The following NDRG2 variants were observed in gnomAD, a reference collection of about 807,000 sequenced individuals.
The protein encoded by NDRG2 is protein NDRG2.
Under a neutral mutation model 58.2 loss-of-function variants are expected in NDRG2, and 34 were observed. The ratio of observed to expected loss-of-function variants is 0.58; its 90% confidence interval spans 0.44 to 0.78. NDRG2 has a LOEUF of 0.78. NDRG2 is among the 30% of genes least tolerant of loss of function. NDRG2 has a pLI of 0.00. For missense variants in NDRG2, 434 were observed against 471.2 expected (o/e 0.92, Z 0.73); for synonymous variants, 187 against 175.9 (o/e 1.06, Z -0.50).
At chr14:21,032,882 C>CA (rs1204934004) in intron 1 of NDRG2, 1 of 451,094 alleles carries the variant, frequency 2.2e-6, no homozygotes. Context: ...AAAAATGGTA[C>CA]AGAGGGGGCT....
intron 1 of NDRG2, among the ~76,000 whole-genome samples, chr14:21,068,663 G>A (rs1294281344): frequency 1.3e-5 from 2 of 152,216 alleles, no homozygotes; most frequent in Non-Finnish European, 2.9e-5. Context: ...CCTCGTAATA[G>A]AGAACCTGGA....
upstream of NDRG2, among the ~76,000 whole-genome samples, chr14:21,029,951 C>T (rs1041492031): frequency 2.6e-5 from 4 of 152,222 alleles, no homozygotes; most frequent in Non-Finnish European, 5.9e-5. Context: ...ACAACACCTT[C>T]CCTGGGCTCG....
At chr14:21,051,588 G>T (rs562647896) in intron 1 of NDRG2, among the ~76,000 whole-genome samples, 20 of 150,066 alleles carry the variant, frequency 1.3e-4, no homozygotes, top group African/African-American at 4.3e-4. Flanking sequence ...GCAGAGACAA[G>T]CTCATAGTGC....
chr14:21,017,612 A>G lies in NDRG2; in HGVS notation c.1100T>C (p.Met367Thr). 2 of 1,613,804 alleles carry G rather than the reference A, an allele frequency of 1.2e-6. No individual in the cohort carries two copies. The highest frequency in any genetic ancestry group is 1.7e-6 in the Non-Finnish European group (2 of 1,179,894). Residue 367 changes from methionine to threonine, a missense_variant, in exon 16 of 16, where the codon ATG becomes ACG. By Grantham distance (81) the Met-to-Thr change is moderately conservative (BLOSUM62 -1). Transcript: ENST00000556147. Reference protein sequence around the residue: ...TLSSGPPGHTMEVSC With the variant: ...TLSSGPPGHTTEVSC ...AAGGGCCATTCAACAGGAGACCTCCATGGTGTGCCCCGGGGGCCCCGAAGA... is the reference window on the plus strand; with the variant it reads ...AAGGGCCATTCAACAGGAGACCTCCGTGGTGTGCCCCGGGGGCCCCGAAGA...
intron 1 of NDRG2, chr14:21,032,159 G>T: frequency 7.1e-7 from 1 of 1,415,816 alleles, no homozygotes; most frequent in Non-Finnish European, 9.9e-7. Flanking sequence ...AAACATCTGT[G>T]TGTGCAGCAG....
intron 9 of NDRG2, 52 bp from the exon 10 acceptor site, chr14:21,019,794 T>G (rs757616197): frequency 2.6e-6 from 4 of 1,517,994 alleles, no homozygotes; most frequent in Non-Finnish European, 3.7e-6. Context: ...AAAACAACAA[T>G]TACTGGAGGA....
In NDRG2 at chr14:21,024,855, C is replaced by T. The variant is rs946513190; in HGVS notation, c.-832G>A. ...CACACAACCTCGCGCGCACCCCAAACACGCCCTGCAGCTCTTGGAGCCTCA... is the reference window on the plus strand; with the variant it reads ...CACACAACCTCGCGCGCACCCCAAATACGCCCTGCAGCTCTTGGAGCCTCA... On this transcript the variant is annotated 5_prime_UTR_variant, in exon 1 of 16. Coordinates refer to ENST00000556147, the MANE Select transcript of NDRG2 (RefSeq NM_001320329.2). The T allele has an allele frequency of 3.0e-6, 3 of 985,638 alleles. No homozygotes were observed. The highest frequency in any genetic ancestry group is 3.5e-5 in the African/African-American group (2 of 57,258). The allele number at this position is 985,638 out of a possible 1,614,324, so 61.1% of individuals were successfully genotyped here. A position where few individuals can be genotyped will look rare whatever the true frequency, so the allele number is the denominator to read the frequency against.
chr14:21,018,613 C>A (rs1594374593), intron 12 of NDRG2, 109 bp from the exon 13 acceptor site: 2 of 1,556,438 alleles, frequency 1.3e-6, no homozygotes, highest in South Asian at 2.5e-5. Flanking sequence ...GCTCCCTACC[C>A]AGTTCCTCCT....
chr14:21,021,770 G>A (rs1012473253), intron 6 of NDRG2, 47 bp downstream of exon 6: 7 of 1,585,336 alleles, frequency 4.4e-6, no homozygotes, highest in Admixed American at 3.5e-5. Context: ...GGGTCTCCTT[G>A]TGCTGGAAAG....
chr14:21,070,246 G>C lies in NDRG2; in HGVS notation c.24+582C>G. ...TCTCGGCCCTCCCTGGCGGGGCCCC[G>C]CGGCCTGGAAGCCGGAGCGGGCCGA... On this transcript the variant is annotated intron_variant, in intron 1 of 14. Coordinates refer to the NDRG2 transcript ENST00000403829. This position sits in a 1 kb window ranked among gnomAD's most constrained non-coding sequence, Gnocchi z 4.7. 2 of 817,308 alleles carry C rather than the reference G, an allele frequency of 2.4e-6. No homozygotes were observed. The highest frequency in any genetic ancestry group is 3.2e-6 in the Non-Finnish European group (2 of 629,810). 50.6% of individuals were successfully genotyped at this position (817,308 alleles called of 1,614,324 possible).
intron 1 of NDRG2, chr14:21,032,529 T>C: frequency 2.9e-6 from 1 of 345,914 alleles, no homozygotes; most frequent in Non-Finnish European, 5.6e-6. Context: ...TCCTCATCTG[T>C]TGCAATTCAG....
intron 1 of NDRG2, among the ~76,000 whole-genome samples, chr14:21,068,393 A>G (rs1398501588): frequency 6.6e-6 from 1 of 151,864 alleles, no homozygotes; most frequent in Non-Finnish European, 1.5e-5. Flanking sequence ...ATATTCCACT[A>G]CCTAAGAGTA....
At position 21,040,980 on chromosome 14, in the gene NDRG2, G is replaced by GTTGTTTGT. The variant is rs144685402; in HGVS notation, c.25-17667_25-17660dup. Reference sequence around the variant, plus strand: ...GGGACTTTTGTCTTTGTTTTTTGTTGTTGTTTGTTTGTTTGTTTGTTTGTT... The same window carrying GTTGTTTGT: ...GGGACTTTTGTCTTTGTTTTTTGTTGTTGTTTGTTTGTTTGTTTGTTTGTTTGTTTGTT... On this transcript the variant is annotated intron_variant, in intron 1 of 14. Transcript: ENST00000403829. Among the ~76,000 whole-genome samples, 891 of 150,792 alleles carry GTTGTTTGT rather than the reference G, an allele frequency of 5.9e-3. 4 individuals carry two copies. The highest frequency in any genetic ancestry group is 0.016 in the African/African-American group (655 of 40,974).
intron 1 of NDRG2, chr14:21,034,351 A>G (rs1156232900): frequency 1.6e-6 from 2 of 1,228,580 alleles, no homozygotes; most frequent in African/African-American, 3.0e-5. Flanking sequence ...GCTGTCTGCC[A>G]CATCCCAGAG....
Position 21,023,240 on chromosome 14 carries a change from C to T in NDRG2, c.75+1G>A, listed in dbSNP as rs760252650. 3.7e-6 allele frequency: 6 copies of T among 1,613,750 alleles called. No homozygotes were observed. The highest frequency in any genetic ancestry group is 1.7e-6 in the Non-Finnish European group (2 of 1,179,792). On this transcript the variant is annotated splice_donor_variant, in intron 2 of 15. Transcript: ENST00000556147. LOFTEE classifies it high-confidence loss of function. ...ATGGGAGTCAAACGGTCTCTAATAA[C>T]CTTGGCCGCCTCAGGCGTCTGTCCT...
At chr14:21,038,201 G>A (rs1157704418) in intron 1 of NDRG2, among the ~76,000 whole-genome samples, 1 of 152,140 alleles carries the variant, frequency 6.6e-6, no homozygotes, top group South Asian at 2.1e-4. Flanking sequence ...GTGGGCTGGA[G>A]GCAATCCCAC....
At chr14:21,055,518 G>C (rs1023717618) in intron 1 of NDRG2, among the ~76,000 whole-genome samples, 2 of 152,202 alleles carry the variant, frequency 1.3e-5, no homozygotes, top group African/African-American at 4.8e-5. Context: ...GAAAACTCAT[G>C]ATGAATGACT....
Position 21,023,221 on chromosome 14 carries a change from G to A in NDRG2, c.75+20C>T, listed in dbSNP as rs1243219400. 1.2e-6 allele frequency: 2 copies of A among 1,610,398 alleles called. No individual in the cohort carries two copies. Among genetic ancestry groups the A allele is most frequent in the South Asian group, 2.2e-5 (2 of 90,784 alleles). ...AGAGGTCTGGAATTTGGGCATGGGAGTCAAACGGTCTCTAATAACCTTGGC... is the reference window on the plus strand; with the variant it reads ...AGAGGTCTGGAATTTGGGCATGGGAATCAAACGGTCTCTAATAACCTTGGC... On this transcript the variant is annotated intron_variant, in intron 2 of 15. Coordinates refer to ENST00000556147, the MANE Select transcript of NDRG2 (RefSeq NM_001320329.2).
chr14:21,019,196 G>A, intron 10 of NDRG2, 36 bp from the exon 11 acceptor site: 2 of 1,580,522 alleles, frequency 1.3e-6, no homozygotes, highest in Non-Finnish European at 1.7e-6. Context: ...ATTTTAGGTG[G>A]GCAATGCTAT....
Sources: gnomAD v4.1 joint callset for allele counts (sites outside exome capture counted in the v4.1 genomes callset) on GRCh38, gnomAD v4.1.1 for gene constraint, Gnocchi (gnomAD v3.1) non-coding constraint, MANE v1.5 for transcripts, NCBI Gene and HGNC (gene_info 2026-07-23, HGNC 2026-07-21) for gene names.